Variants in PDE4D observed in about 807,000 individuals in gnomAD.
The protein encoded by PDE4D is 3',5'-cyclic-AMP phosphodiesterase 4D.
PDE4D carries 24 observed loss-of-function variants against 87.4 expected under a neutral mutation model. The ratio of observed to expected loss-of-function variants is 0.27; its 90% CI spans 0.20 to 0.39. The LOEUF (loss-of-function observed/expected upper bound fraction) is 0.39. PDE4D is among the 10% of genes least tolerant of loss of function. The probability of loss-of-function intolerance (pLI) is 1.00; values close to 1 mark genes in which losing one functional copy is unlikely to be tolerated. For missense variants in PDE4D, 714 were observed against 1,041.0 expected, an observed-to-expected ratio of 0.69 and a Z score of 4.32; for synonymous variants, 384 against 383.2, an observed-to-expected ratio of 1.00 and a Z score of -0.02.
chr5:60,426,224 T>C (rs966869336), intron 1 of PDE4D, among the ~76,000 whole-genome samples: 3 of 152,094 alleles, frequency 2.0e-5, no homozygotes, highest in Non-Finnish European at 4.4e-5. Flanking sequence ...TATAAAGACA[T>C]GCACACGTAT....
At chr5:60,491,864 C>T (rs1392404999), upstream of PDE4D, among the ~76,000 whole-genome samples, 1 of 152,116 alleles carries the variant, frequency 6.6e-6, no homozygotes, top group African/African-American at 2.4e-5. Flanking sequence ...GCCTCAGTTT[C>T]CTCCTATATA....
chr5:59,235,881 A>T (rs557729029), intron 1 of PDE4D, among the ~76,000 whole-genome samples: 1 of 152,212 alleles, frequency 6.6e-6, no homozygotes, highest in Non-Finnish European at 1.5e-5. Flanking sequence ...ACTTAGAGGG[A>T]GATACAGAAA....
chr5:59,322,511 G>T (rs1774892790), intron 1 of PDE4D, among the ~76,000 whole-genome samples: 1 of 152,066 alleles, frequency 6.6e-6, no homozygotes, highest in African/African-American at 2.4e-5. Flanking sequence ...TTGTCAAGAA[G>T]CTCATTGGGC....
At chr5:60,412,666 T>G (rs1231081380) in intron 1 of PDE4D, among the ~76,000 whole-genome samples, 1 of 152,324 alleles carries the variant, frequency 6.6e-6, no homozygotes, top group East Asian at 1.9e-4. Flanking sequence ...ATACTCCTTA[T>G]GTTTCCAATG....
intron 1 of PDE4D, among the ~76,000 whole-genome samples, chr5:59,531,984 T>C (rs1814316259): frequency 1.3e-5 from 2 of 152,220 alleles, no homozygotes; most frequent in South Asian, 2.1e-4. Flanking sequence ...TTCACTGTTA[T>C]ATTCCTAGCA....
At chr5:59,929,714 G>A (rs1310190405) in intron 3 of PDE4D, among the ~76,000 whole-genome samples, 1 of 152,138 alleles carries the variant, frequency 6.6e-6, no homozygotes, top group East Asian at 1.9e-4. Context: ...CATATTTGGA[G>A]AGGATTTTTC....
chr5:59,844,292 T>C (rs1743499052), intron 1 of PDE4D, among the ~76,000 whole-genome samples: 1 of 152,132 alleles, frequency 6.6e-6, no homozygotes, highest in Non-Finnish European at 1.5e-5. Context: ...CCATACTTTC[T>C]CACCCAGAGA....
rs750834493 is a variant in PDE4D, at chr5:59,587,570, C to T, written c.455+305598G>A. 8.1e-6 allele frequency: 8 copies of T among 985,286 alleles called. No homozygotes were observed. In the African/African-American group the frequency reaches 1.4e-4, roughly 17 times the overall value. The allele number at this position is 985,286 out of a possible 1,614,324, so 61.0% of individuals were successfully genotyped here. A position where few individuals can be genotyped will look rare whatever the true frequency, so the allele number is the denominator to read the frequency against. ...CTTGTCTGCCCTGGGCTGTGCCGCC[C>T]CAGCTCTGATCAGCTCAGGACACTT... On this transcript the variant is annotated intron_variant, in intron 1 of 14. Coordinates refer to ENST00000340635, the MANE Select transcript of PDE4D (RefSeq NM_001104631.2).
At chr5:59,735,475 A>G (rs1337427034) in intron 1 of PDE4D, among the ~76,000 whole-genome samples, 1 of 152,212 alleles carries the variant, frequency 6.6e-6, no homozygotes, top group Non-Finnish European at 1.5e-5. Context: ...TCAGTGGAAT[A>G]GGACTCTTCA....
intron 1 of PDE4D, among the ~76,000 whole-genome samples, chr5:60,274,487 A>C (rs4624754): frequency 0.34 from 51,007 of 151,898 alleles, 9,076 homozygotes; most frequent in East Asian, 0.61. Flanking sequence ...CAGCCTCCCA[A>C]GTAGCTGAGA....
intron 3 of PDE4D, among the ~76,000 whole-genome samples, chr5:59,927,195 C>A (rs1755391394): frequency 6.6e-6 from 1 of 152,178 alleles, no homozygotes; most frequent in South Asian, 2.1e-4. Context: ...CTCCATGACA[C>A]ACTTTTACCT....
In PDE4D at chr5:60,121,196, G is replaced by GAT. The variant is rs111720124; in HGVS notation, c.42+64359_42+64360dup. Among the ~76,000 whole-genome samples the GAT allele has an allele frequency of 8.8e-3, 1,300 of 148,442 alleles. 15 individuals carry two copies. The highest frequency in any genetic ancestry group is 0.029 in the African/African-American group (1,181 of 40,454). ...CTATATATATATAGGATATATAGGA[G>GAT]ATATATATATATATATCTCCTATTA... On this transcript the variant is annotated intron_variant, in intron 2 of 16. Coordinates refer to the PDE4D transcript ENST00000502484.
At chr5:60,109,845 A>C (rs1777484076) in intron 2 of PDE4D, among the ~76,000 whole-genome samples, 1 of 139,092 alleles carries the variant, frequency 7.2e-6, no homozygotes, top group African/African-American at 2.7e-5. Context: ...GGAACATCAC[A>C]CTCTGGGGAC....
chr5:59,959,271 C>T (rs1759204944), intron 3 of PDE4D, among the ~76,000 whole-genome samples: 1 of 152,060 alleles, frequency 6.6e-6, no homozygotes, highest in Admixed American at 6.6e-5. Flanking sequence ...ACTAATATCA[C>T]TAAAATGTCC....
At chr5:59,688,814 G>A (rs560509054) in intron 1 of PDE4D, among the ~76,000 whole-genome samples, 27 of 151,634 alleles carry the variant, frequency 1.8e-4, no homozygotes, top group African/African-American at 5.1e-4. Context: ...CAAAATTGAC[G>A]GACCACTAGC....
intron 1 of PDE4D, among the ~76,000 whole-genome samples, chr5:60,310,315 C>A (rs1350798544): frequency 3.3e-5 from 5 of 152,020 alleles, no homozygotes; most frequent in South Asian, 2.1e-4. Context: ...TTGAGAAGAA[C>A]AATAAAAATC....
intron 7 of PDE4D, among the ~76,000 whole-genome samples, chr5:58,992,571 G>A (rs912134210): frequency 6.6e-6 from 1 of 152,134 alleles, no homozygotes; most frequent in African/African-American, 2.4e-5. Context: ...GTATGATAGT[G>A]AGATAAGGGT....
At chr5:59,793,705 C>T (rs933204533) in intron 1 of PDE4D, among the ~76,000 whole-genome samples, 11 of 152,214 alleles carry the variant, frequency 7.2e-5, no homozygotes, top group African/African-American at 2.7e-4. Flanking sequence ...CAATTATCTG[C>T]TTGACTTGTT....
At chr5:59,621,988 T>C (rs1830400751) in intron 1 of PDE4D, among the ~76,000 whole-genome samples, 1 of 152,210 alleles carries the variant, frequency 6.6e-6, no homozygotes, top group Non-Finnish European at 1.5e-5. Flanking sequence ...ATATCTTTTA[T>C]GTCATCTGAT....
Sources: gnomAD v4.1 joint callset for allele counts (sites outside exome capture counted in the v4.1 genomes callset) on GRCh38, gnomAD v4.1.1 for gene constraint, MANE v1.5 for transcripts, NCBI Gene and HGNC (gene_info 2026-07-23, HGNC 2026-07-21) for gene names.